The following PUM1 variants were observed in gnomAD, a reference collection of about 807,000 sequenced individuals.
The protein encoded by PUM1 is pumilio homolog 1.
In PUM1, 13 loss-of-function variants were observed where a neutral mutation model predicts 131.8. The observed-to-expected ratio is 0.10, with a 90% CI of 0.06 to 0.16. PUM1 has a LOEUF of 0.16. PUM1 is among the 10% of genes least tolerant of loss of function. The pLI is 1.00. For synonymous variants in PUM1, 509 were observed against 556.5 expected (o/e 0.91, Z 1.20); for missense variants, 961 against 1,512.4 (o/e 0.64, Z 6.05).
At chr1:30,992,731 G>A in intron 6 of PUM1, 71 bp from the exon 7 acceptor site, 1 of 1,344,974 alleles carries the variant, frequency 7.4e-7, no homozygotes. Context: ...CCAAGTTTAA[G>A]GACAATGTCC....
At chr1:30,990,205 C>A (rs1277089834) in intron 7 of PUM1, among the ~76,000 whole-genome samples, 1 of 152,142 alleles carries the variant, frequency 6.6e-6, no homozygotes, top group Non-Finnish European at 1.5e-5. Flanking sequence ...GGGGGAAAGT[C>A]CCCTGAAACC....
rs975027917 is a variant in PUM1 at position 30,965,011 on chromosome 1, C to T, written c.2087-101G>A. On this transcript the variant is annotated intron_variant, in intron 13 of 21. Coordinates refer to ENST00000426105, the MANE Select transcript of PUM1 (RefSeq NM_001020658.2). The stretch of plus-strand genomic sequence containing the variant: ...CACTTTGATCCAGACTCCTTACCAC[C>T]GCAAATTTGTCAGCAGAGACAGCCT... 39 of 929,918 alleles carry T rather than the reference C, an allele frequency of 4.2e-5. No homozygotes were observed. The African/African-American group carries it at 4.4e-4, about 11-fold the overall frequency. The allele number at this position is 929,918 out of a possible 1,614,324, so 57.6% of individuals were successfully genotyped here. A position where few individuals can be genotyped will look rare whatever the true frequency, so the allele number is the denominator to read the frequency against.
intron 9 of PUM1, among the ~76,000 whole-genome samples, chr1:30,976,460 T>G (rs1019660741): frequency 6.6e-6 from 1 of 152,244 alleles, no homozygotes; most frequent in African/African-American, 2.4e-5. Flanking sequence ...TTTCAAATAT[T>G]ACAGCTACTC....
chr1:31,013,196 C>T (rs1453949526), intron 3 of PUM1, among the ~76,000 whole-genome samples: 1 of 152,150 alleles, frequency 6.6e-6, no homozygotes, highest in Non-Finnish European at 1.5e-5. Context: ...AACAAAACAA[C>T]ACTACAAGAA....
At chr1:31,017,293 T>C (rs1187038097) in intron 3 of PUM1, among the ~76,000 whole-genome samples, 3 of 152,266 alleles carry the variant, frequency 2.0e-5, no homozygotes, top group East Asian at 3.9e-4. Context: ...TAATGGAGTA[T>C]AGACTGCTAA....
In PUM1 at chr1:30,938,874, TAGAG is replaced by T. The variant is rs1240297251; in HGVS notation, c.3243-2043_3243-2040del. On this transcript the variant is annotated intron_variant, in intron 20 of 21. Transcript: ENST00000426105. ...AGCGAGACTCCATCTCATTCATAGA[TAGAG>T]ATAGATAGATAGATAGATAGATAGA... is the stretch of plus-strand genomic sequence containing the variant. 1.6e-4 allele frequency among the ~76,000 whole-genome samples: 23 copies of T among 142,430 alleles called. No homozygotes were observed. The South Asian group carries it at 4.2e-3, about 26-fold the overall frequency. The allele number at this position is 142,430 out of a possible 152,430, so 93.4% of individuals were successfully genotyped here. A position where few individuals can be genotyped will look rare whatever the true frequency, so the allele number is the denominator to read the frequency against.
At chr1:31,033,121 T>TA (rs1301883580) in intron 2 of PUM1, among the ~76,000 whole-genome samples, 2 of 151,756 alleles carry the variant, frequency 1.3e-5, no homozygotes, top group Non-Finnish European at 2.9e-5. Flanking sequence ...GGTGGAAATC[T>TA]AAATACAGGG....
intron 5 of PUM1, among the ~76,000 whole-genome samples, chr1:31,002,212 G>A (rs1350124831): frequency 1.3e-5 from 2 of 152,268 alleles, no homozygotes; most frequent in Middle Eastern, 3.4e-3. Flanking sequence ...AAGTTAAGTA[G>A]CACTGGTTAC....
chr1:30,966,965 C>T, intron 12 of PUM1: 1 of 555,694 alleles, frequency 1.8e-6, no homozygotes, highest in Non-Finnish European at 3.0e-6. Context: ...CACATGCCAC[C>T]CCTCCCCCAA....
chr1:30,946,662 A>G (rs1412827524), intron 17 of PUM1, among the ~76,000 whole-genome samples: 1 of 148,600 alleles, frequency 6.7e-6, no homozygotes, highest in East Asian at 1.9e-4. Context: ...ATTATTTTAT[A>G]TATATACTTA....
chr1:30,962,260 A>G (rs1166974062), intron 14 of PUM1, among the ~76,000 whole-genome samples: 1 of 152,210 alleles, frequency 6.6e-6, no homozygotes, highest in East Asian at 1.9e-4. Context: ...ACTCACACTA[A>G]TAGTTATTTC....
intron 7 of PUM1, among the ~76,000 whole-genome samples, chr1:30,991,460 C>T (rs989192411): frequency 3.3e-5 from 5 of 152,142 alleles, no homozygotes; most frequent in African/African-American, 1.2e-4. Flanking sequence ...CTATTTATGA[C>T]AATAACTAAA....
At chr1:30,941,713 A>G (rs1429453429) in intron 19 of PUM1, among the ~76,000 whole-genome samples, 3 of 152,242 alleles carry the variant, frequency 2.0e-5, no homozygotes, top group Admixed American at 1.3e-4. Context: ...TTTAACGATT[A>G]TGAAACAGAG....
intron 1 of PUM1, among the ~76,000 whole-genome samples, chr1:31,065,287 G>A (rs1420491454): frequency 6.6e-6 from 1 of 152,094 alleles, no homozygotes; most frequent in Non-Finnish European, 1.5e-5. Flanking sequence ...CAACCCGAAT[G>A]GCAACATCAA....
At chr1:31,017,524 C>CA (rs1553150857) in intron 3 of PUM1, among the ~76,000 whole-genome samples, 1 of 145,088 alleles carries the variant, frequency 6.9e-6, no homozygotes, top group South Asian at 2.2e-4. Context: ...TTTTTTTCTT[C>CA]TTTTTTTTTT....
intron 16 of PUM1, among the ~76,000 whole-genome samples, chr1:30,951,811 T>C (rs1639947088): frequency 2.0e-5 from 3 of 152,356 alleles, no homozygotes; most frequent in Middle Eastern, 6.8e-3. Flanking sequence ...TAGCTGATAA[T>C]GAAACATACT....
In PUM1 at chr1:30,953,877, T is replaced by C. The variant is rs1640044741; in HGVS notation, c.2428A>G (p.Thr810Ala). The C allele has an allele frequency of 6.2e-7, 1 of 1,614,004 alleles. No individual in the cohort carries two copies. The highest frequency in any genetic ancestry group is 1.1e-5 in the South Asian group (1 of 91,068). The stretch of plus-strand genomic sequence containing the variant: ...CGCAAACGAGAGGAAGAGAAAAGAG[T>C]GCTGCTCGGGCTGAAGAGGCTGGAG... Reference protein sequence around the residue: ...SASSLFSPSSTLFSSSRLRYG... With the variant: ...SASSLFSPSSALFSSSRLRYG... Residue 810 changes from threonine to alanine, a missense_variant, in exon 15 of 22, where the codon ACT (threonine) becomes GCT (alanine). This residue lies in a region of PUM1 where 117 missense variants were observed against 200.7 expected (regional missense o/e 0.58). Transcript: ENST00000426105.
intron 1 of PUM1, among the ~76,000 whole-genome samples, chr1:31,060,453 T>C (rs1644342954): frequency 6.6e-6 from 1 of 151,634 alleles, no homozygotes. Context: ...AGAGCGAGAC[T>C]CTCTCTCAAA....
At chr1:31,016,411 ATTT>A (rs1388909111) in intron 3 of PUM1, among the ~76,000 whole-genome samples, 4 of 152,150 alleles carry the variant, frequency 2.6e-5, no homozygotes, top group Non-Finnish European at 2.9e-5. Context: ...AAAGCAAAGA[ATTT>A]TTAAGTTTTC....
Sources: gnomAD v4.1 joint callset for allele counts (sites outside exome capture counted in the v4.1 genomes callset) on GRCh38, gnomAD v4.1.1 for gene constraint, gnomAD v4.1.1 regional missense constraint, MANE v1.5 for transcripts, NCBI Gene and HGNC (gene_info 2026-07-23, HGNC 2026-07-21) for gene names.